Variants in STARD8 observed in about 807,000 individuals in gnomAD.
STARD8 encodes stAR-related lipid transfer protein 8.
A neutral mutation model predicts 69.4 loss-of-function variants in STARD8; 25 were observed. The ratio of observed to expected loss-of-function variants is 0.36; its 90% CI spans 0.26 to 0.50. The LOEUF is 0.50. Ranked by LOEUF, STARD8 falls within the 20% of genes least tolerant of loss-of-function variation. The probability of loss-of-function intolerance (pLI) is 0.96; values close to 1 mark genes in which losing one functional copy is unlikely to be tolerated. For synonymous variants in STARD8, 389 were observed against 374.6 expected (o/e 1.04, Z -0.45); for missense variants, 921 against 932.5 (o/e 0.99, Z 0.16).
chrX:68,678,182 A>G (rs182736819), intron 2 of STARD8, among the ~76,000 whole-genome samples: 1 of 111,403 alleles, frequency 9.0e-6, no homozygotes, highest in Non-Finnish European at 1.9e-5. Flanking sequence ...CAAAGAAGAG[A>G]TGAGTGTGGC....
intron 2 of STARD8, among the ~76,000 whole-genome samples, chrX:68,704,049 C>T (rs2079986653): frequency 8.9e-6 from 1 of 111,808 alleles, no homozygotes; most frequent in Admixed American, 9.5e-5. Flanking sequence ...GGAAGTAGGG[C>T]TTCCTGTCTG....
At chrX:68,655,445 A>G (rs1170403375) in intron 1 of STARD8, among the ~76,000 whole-genome samples, 4 of 111,968 alleles carry the variant, frequency 3.6e-5, no homozygotes, top group African/African-American at 1.3e-4. Flanking sequence ...GCAGAGTTCC[A>G]CAGCCCACTC....
At chrX:68,680,442 C>A (rs1173844407) in intron 2 of STARD8, among the ~76,000 whole-genome samples, 1 of 112,252 alleles carries the variant, frequency 8.9e-6, no homozygotes, top group Admixed American at 9.4e-5. Context: ...GGGGGACACA[C>A]CAAGTGATGG....
intron 5 of STARD8, 28 bp from the exon 6 acceptor site, chrX:68,717,184 T>C (rs1274347741): frequency 3.5e-6 from 4 of 1,158,358 alleles, no homozygotes; most frequent in Non-Finnish European, 4.6e-6. Context: ...TGGGCTTCTC[T>C]GACCTGATCC....
At chrX:68,661,997 TTTCTTTCTTTCTTTC>T (rs1210189614) in intron 1 of STARD8, among the ~76,000 whole-genome samples, 3 of 94,312 alleles carry the variant, frequency 3.2e-5, no homozygotes, top group Non-Finnish European at 6.2e-5. Context: ...TCTTTCTTTC[TTTCTTTCTTTCTTTC>T]TTTCTTTCTT....
intron 2 of STARD8, among the ~76,000 whole-genome samples, chrX:68,670,639 C>T (rs2079722523): frequency 1.8e-5 from 2 of 111,247 alleles, no homozygotes; most frequent in East Asian, 2.8e-4. Flanking sequence ...ATGGGAACTT[C>T]AGGTGGAAAG....
chrX:68,694,033 C>T (rs763041279), intron 2 of STARD8, among the ~76,000 whole-genome samples: 119 of 113,310 alleles, frequency 1.1e-3, no homozygotes, highest in African/African-American at 3.5e-3. Flanking sequence ...AATTGGGGGA[C>T]CCCCGAGCGC....
In STARD8 at chrX:68,647,740, C is replaced by T; in HGVS notation, c.-143C>T. ...CCGGCAACCGCTGCTCTCCGCCTCTCCCCTCGCGGGGCCGGCTCATGGAGC... is the reference window on the plus strand; with the variant it reads ...CCGGCAACCGCTGCTCTCCGCCTCTTCCCTCGCGGGGCCGGCTCATGGAGC... On this transcript the variant is annotated 5_prime_UTR_variant, in exon 1 of 15. Transcript: ENST00000374599. 1.3e-6 allele frequency: 1 copy of T among 767,705 alleles called. No individual in the cohort carries two copies. Among genetic ancestry groups the T allele is most frequent in the Non-Finnish European group, 1.8e-6 (1 of 546,971 alleles). 63.3% of individuals were successfully genotyped at this position (767,705 alleles called of 1,213,427 possible).
At chrX:68,693,504 G>A in intron 2 of STARD8, 1 of 316,981 alleles carries the variant, frequency 3.2e-6, no homozygotes, top group Non-Finnish European at 4.2e-6. Context: ...TGGAGGACCT[G>A]CAGGCAGTGC....
In STARD8 at chrX:68,647,956, C is replaced by A. The variant is rs756672481; in HGVS notation, c.45+29C>A. 24 of 1,189,607 alleles carry A rather than the reference C, an allele frequency of 2.0e-5. No homozygotes were observed. The South Asian group carries it at 3.2e-4, about 16-fold the overall frequency. ...AGTGACTGGCCAGCCCCAGCCCATC[C>A]CGCTGCTCAGGGGGGAAGGAGGCAG... On this transcript the variant is annotated intron_variant, in intron 1 of 14. Coordinates refer to ENST00000374599, the MANE Select transcript of STARD8 (RefSeq NM_001142503.3).
intron 2 of STARD8, among the ~76,000 whole-genome samples, chrX:68,681,764 C>A (rs1303265052): frequency 9.0e-6 from 1 of 111,577 alleles, no homozygotes; most frequent in African/African-American, 3.3e-5. Context: ...GCTTTGTGGT[C>A]AGGGTGCCAG....
At chrX:68,683,005 C>T (rs2079809888) in intron 2 of STARD8, among the ~76,000 whole-genome samples, 1 of 112,409 alleles carries the variant, frequency 8.9e-6, no homozygotes, top group African/African-American at 3.2e-5. Flanking sequence ...GCCCAAGAGA[C>T]TGCCACCAGC....
chrX:68,689,299 T>TGG (rs1216839688), intron 2 of STARD8, among the ~76,000 whole-genome samples: 2 of 102,920 alleles, frequency 1.9e-5, no homozygotes, highest in Middle Eastern at 4.9e-3. Context: ...GAGGCGTTAG[T>TGG]GGGGTGCTCC....
chrX:68,719,902 G>A (rs997791384), intron 7 of STARD8, among the ~76,000 whole-genome samples: 9 of 111,713 alleles, frequency 8.1e-5, no homozygotes, highest in African/African-American at 2.6e-4. Context: ...TTCTCCTCTG[G>A]GACAATGCCT....
At chrX:68,648,117 T>A (rs1350876970) in intron 1 of STARD8, among the ~76,000 whole-genome samples, 190 bp downstream of exon 1, 1 of 112,446 alleles carries the variant, frequency 8.9e-6, no homozygotes, top group Non-Finnish European at 1.9e-5. Context: ...TTCTGTTGCA[T>A]TCCCATACAA....
intron 2 of STARD8, among the ~76,000 whole-genome samples, chrX:68,711,292 G>C (rs1186322162): frequency 9.2e-6 from 1 of 109,155 alleles, no homozygotes; most frequent in Non-Finnish European, 1.9e-5. Context: ...GAGAGACAGA[G>C]AGAGAAAGAG....
chrX:68,716,172 A>ACT (rs2080089634), intron 4 of STARD8, among the ~76,000 whole-genome samples, 196 bp from the exon 5 acceptor site: 1 of 109,666 alleles, frequency 9.1e-6, no homozygotes, highest in East Asian at 2.9e-4. Context: ...GTTTATTTCC[A>ACT]CTCTCTTTGT....
chrX:68,724,075 G>A lies in STARD8; in HGVS notation c.3148G>A (p.Gly1050Ser), dbSNP rs751993797. ...LTSQYLMEPC[G>S]LGRSRLTHIC... ...ATCCCAGTACCTCATGGAGCCTTGC[G>A]GCTTGGGCCGCTCTCGGCTCACACA... is the stretch of plus-strand genomic sequence containing the variant. Residue 1050 changes from glycine to serine, a missense_variant, in exon 14 of 15, where the codon GGC becomes AGC. Transcript: ENST00000374599. 7 of 1,211,740 alleles carry A rather than the reference G, an allele frequency of 5.8e-6. No individual in the cohort carries two copies. The highest frequency in any genetic ancestry group is 6.7e-6 in the Non-Finnish European group (6 of 895,526).
rs1602549713 is a variant in STARD8, at chrX:68,665,546, G to A, written c.79+14G>A. 3.3e-6 allele frequency: 4 copies of A among 1,204,539 alleles called. No homozygotes were observed. Among genetic ancestry groups the A allele is most frequent in the Non-Finnish European group, 1.1e-6 (1 of 892,142 alleles). ...AGAAGAACGCTGGTAAGTACACGAG[G>A]TGGGCATTGCAAGTGGCATACAAAG... On this transcript the variant is annotated intron_variant, in intron 2 of 14. Transcript: ENST00000374599.
Sources: allele counts gnomAD v4.1 joint callset (sites outside exome capture counted in the v4.1 genomes callset), GRCh38; gene constraint gnomAD v4.1.1; transcripts MANE v1.5; gene names NCBI Gene and HGNC (gene_info 2026-07-23, HGNC 2026-07-21).